TMTC1: variants seen among roughly 807,000 people sequenced by gnomAD.
The protein encoded by TMTC1 is protein O-mannosyl-transferase TMTC1.
A neutral mutation model predicts 104.8 loss-of-function variants in TMTC1; 73 were observed. That is an observed-to-expected ratio of 0.70 (90% CI 0.58 to 0.85). The LOEUF (loss-of-function observed/expected upper bound fraction) is 0.85, where lower values mean the gene tolerates loss of function less well. Among genes scored for constraint, TMTC1 ranks in the 40% least tolerant of loss-of-function variants. TMTC1 has a pLI of 0.00. For synonymous variants in TMTC1, 434 were observed against 428.7 expected (o/e 1.01, Z -0.15); for missense variants, 1,035 against 1,096.1 (o/e 0.94, Z 0.79).
In TMTC1 at chr12:29,693,523, G is replaced by A. The variant is rs147453103; in HGVS notation, c.938+58143C>T. 2.3e-3 allele frequency among the ~76,000 whole-genome samples: 342 copies of A among 151,856 alleles called. 21 individuals carry two copies. In the East Asian group the frequency reaches 0.057, roughly 26 times the overall value. On this transcript the variant is annotated intron_variant, in intron 5 of 17. Coordinates refer to ENST00000539277, the MANE Select transcript of TMTC1 (RefSeq NM_001193451.2). ...TAACCAACCTTTCTCTATCCCCTTC[G>A]TTCCCCACCCGTTCCCAGCCTCTAA...
intron 5 of TMTC1, among the ~76,000 whole-genome samples, chr12:29,659,631 AC>A (rs1301833664): frequency 6.6e-6 from 1 of 152,216 alleles, no homozygotes; most frequent in African/African-American, 2.4e-5. Context: ...TTTTATAGCA[AC>A]AGAAAATGAA....
chr12:29,570,613 G>A (rs1448451345), intron 9 of TMTC1, among the ~76,000 whole-genome samples: 1 of 152,164 alleles, frequency 6.6e-6, no homozygotes, highest in Non-Finnish European at 1.5e-5. Context: ...GGAGGCTGAG[G>A]TGGGTGGATC....
At chr12:29,672,177 C>T (rs1012682564) in intron 5 of TMTC1, among the ~76,000 whole-genome samples, 1 of 152,202 alleles carries the variant, frequency 6.6e-6, no homozygotes, top group Non-Finnish European at 1.5e-5. Context: ...TTCACCCAGG[C>T]AGTTCACTGT....
chr12:29,664,606 T>A (rs1705213271), intron 5 of TMTC1, among the ~76,000 whole-genome samples: 1 of 152,220 alleles, frequency 6.6e-6, no homozygotes, highest in African/African-American at 2.4e-5. Context: ...ACAACTAATA[T>A]GTCCCAGACA....
chr12:29,567,207 T>C (rs1945540777), intron 9 of TMTC1, among the ~76,000 whole-genome samples: 1 of 152,202 alleles, frequency 6.6e-6, no homozygotes, highest in South Asian at 2.1e-4. Context: ...GGGTGCTCCT[T>C]AATAAACTTC....
At chr12:29,514,429 C>T (rs1943925614) in intron 16 of TMTC1, 53 bp downstream of exon 16, 2 of 1,552,446 alleles carry the variant, frequency 1.3e-6, no homozygotes, top group Admixed American at 1.9e-5. Flanking sequence ...GATCAAAAGA[C>T]AATTAATTTT....
chr12:29,587,639 A>G (rs1234956888), intron 7 of TMTC1, among the ~76,000 whole-genome samples: 1 of 152,146 alleles, frequency 6.6e-6, no homozygotes, highest in Non-Finnish European at 1.5e-5. Context: ...TGATAACTAC[A>G]AATTATTACA....
chr12:29,606,997 C>A (rs968271486), intron 6 of TMTC1, among the ~76,000 whole-genome samples: 1 of 152,016 alleles, frequency 6.6e-6, no homozygotes, highest in East Asian at 1.9e-4. Context: ...CTCACGGACA[C>A]CCGTAGTGAG....
intron 5 of TMTC1, among the ~76,000 whole-genome samples, chr12:29,746,975 A>C (rs1942970343): frequency 1.3e-5 from 2 of 152,222 alleles, no homozygotes; most frequent in African/African-American, 2.4e-5. Flanking sequence ...CTCAGTAAAC[A>C]GTATTCAATG....
intron 9 of TMTC1, among the ~76,000 whole-genome samples, chr12:29,563,296 C>CA: frequency 6.6e-6 from 1 of 152,306 alleles, no homozygotes; most frequent in East Asian, 1.9e-4. Context: ...GTTATAAGGA[C>CA]ATTCAAAATC....
Position 29,518,594 on chromosome 12 carries a change from C to T in TMTC1, c.1902G>A (p.Lys634=), listed in dbSNP as rs372229157. Residue 634 remains lysine, a synonymous_variant, in exon 13 of 18, where the codon AAG becomes AAA. Transcript: ENST00000539277. ...TGGCCTGCTGGTAATGGGCCACTGC[C>T]TTTTCTGGTAAGCCTGTAACCAGTG... ...VFLVDTGLPE[K]AVAHYQQAIK... The T allele has an allele frequency of 1.9e-6, 3 of 1,613,936 alleles. No homozygotes were observed. The highest frequency in any genetic ancestry group is 2.5e-6 in the Non-Finnish European group (3 of 1,179,960).
At chr12:29,646,464 C>T (rs1036615027) in intron 5 of TMTC1, among the ~76,000 whole-genome samples, 2 of 152,052 alleles carry the variant, frequency 1.3e-5, no homozygotes, top group African/African-American at 2.4e-5. Context: ...AATGGAAATA[C>T]AATATGTAGA....
chr12:29,772,262 C>A (rs1361949540), intron 1 of TMTC1, among the ~76,000 whole-genome samples: 8 of 152,124 alleles, frequency 5.3e-5, no homozygotes, highest in African/African-American at 1.9e-4. Flanking sequence ...ATCTGTGTGC[C>A]CATCTCGAGA....
chr12:29,640,380 A>G (rs1396329684), intron 5 of TMTC1, among the ~76,000 whole-genome samples: 7 of 152,162 alleles, frequency 4.6e-5, no homozygotes, highest in Admixed American at 4.6e-4. Context: ...GATTGATTGC[A>G]AGAACAAATC....
chr12:29,586,048 A>T (rs932094119), intron 7 of TMTC1, among the ~76,000 whole-genome samples: 5 of 151,950 alleles, frequency 3.3e-5, no homozygotes, highest in African/African-American at 1.2e-4. Flanking sequence ...CATTTTCACG[A>T]TATTGATTCT....
intron 5 of TMTC1, among the ~76,000 whole-genome samples, chr12:29,739,415 C>G (rs527907194): frequency 1.2e-4 from 18 of 152,174 alleles, no homozygotes; most frequent in Non-Finnish European, 2.2e-4. Flanking sequence ...TGTTAAGACT[C>G]AGCTTGAGCC....
chr12:29,623,124 A>G (rs1339493684), intron 6 of TMTC1, among the ~76,000 whole-genome samples: 1 of 152,194 alleles, frequency 6.6e-6, no homozygotes, highest in Non-Finnish European at 1.5e-5. Flanking sequence ...TGCAATGTGT[A>G]ATGGTGTCTA....
chr12:29,567,058 A>G (rs1430720652), intron 9 of TMTC1, among the ~76,000 whole-genome samples: 1 of 152,198 alleles, frequency 6.6e-6, no homozygotes, highest in African/African-American at 2.4e-5. Flanking sequence ...GGGGTTTAAA[A>G]GTAAATCTCT....
chr12:29,530,003 G>A (rs1385134154), intron 11 of TMTC1: 1 of 152,162 alleles, frequency 6.6e-6, no homozygotes, highest in East Asian at 1.9e-4. Context: ...ATGCAGTCAT[G>A]GAACCAGAAA....
Sources: gnomAD v4.1 joint callset for allele counts (sites outside exome capture counted in the v4.1 genomes callset) on GRCh38, gnomAD v4.1.1 for gene constraint, MANE v1.5 for transcripts, NCBI Gene and HGNC (gene_info 2026-07-23, HGNC 2026-07-21) for gene names.